Variants in ZNF75D observed in about 807,000 individuals in gnomAD.
ZNF75D encodes zinc finger protein 75.
A neutral mutation model predicts 33.3 loss-of-function variants in ZNF75D; 33 were observed. That is an observed-to-expected ratio of 0.99 (90% CI 0.75 to 1.32). The LOEUF is 1.32. ZNF75D is among the 40% of genes most tolerant of loss of function. ZNF75D has a pLI of 0.00. For synonymous variants in ZNF75D, 113 were observed against 130.6 expected (o/e 0.87, Z 0.92); for missense variants, 338 against 367.5 (o/e 0.92, Z 0.66).
At chrX:135,335,500 T>C (rs999968299) in intron 1 of ZNF75D, among the ~76,000 whole-genome samples, 1 of 111,366 alleles carries the variant, frequency 9.0e-6, no homozygotes. Context: ...CTCACAGCTA[T>C]GGTGACTTAG....
intron 1 of ZNF75D, among the ~76,000 whole-genome samples, chrX:135,319,388 T>C (rs1249375102): frequency 1.8e-5 from 2 of 112,293 alleles, no homozygotes; most frequent in Admixed American, 1.9e-4. Context: ...CAAAGAAGTG[T>C]GTGGTTCTGC....
intron 1 of ZNF75D, among the ~76,000 whole-genome samples, chrX:135,309,142 T>C (rs1443970916): frequency 2.7e-5 from 3 of 111,702 alleles, no homozygotes; most frequent in African/African-American, 9.8e-5. Flanking sequence ...TGAGTTAAAA[T>C]TAATGCGAAT....
intron 1 of ZNF75D, among the ~76,000 whole-genome samples, chrX:135,306,284 T>TACACAC (rs1355135835): frequency 7.2e-4 from 39 of 53,812 alleles, no homozygotes; most frequent in African/African-American, 2.4e-3. Flanking sequence ...ACAACAGAGA[T>TACACAC]ACATACACAC....
chrX:135,297,399 A>G (rs1556423334), intron 1 of ZNF75D: 1 of 112,335 alleles, frequency 8.9e-6, no homozygotes, highest in Non-Finnish European at 1.9e-5. Flanking sequence ...TGGTTCTTTC[A>G]AAACTATATT....
rs1489467213 is a variant in ZNF75D at position 135,323,087 on chromosome X, T to A, written c.-391+18681A>T. ...CTGTTGTATATAGTATTTTAGTAAA[T>A]GCTTGCCTTCCAATTGGGTCAATTT... On this transcript the variant is annotated intron_variant, in intron 1 of 6. Coordinates refer to ENST00000370766, the MANE Select transcript of ZNF75D (RefSeq NM_007131.5). Among the ~76,000 whole-genome samples, 3 of 112,296 alleles carry A rather than the reference T, an allele frequency of 2.7e-5. No individual in the cohort carries two copies. The Admixed American group carries it at 2.8e-4, about 11-fold the overall frequency.
intron 6 of ZNF75D, 150 bp from the exon 7 acceptor site, chrX:135,287,996 TC>T (rs2083982129): frequency 2.1e-6 from 1 of 470,244 alleles, no homozygotes; most frequent in South Asian, 3.6e-5. Flanking sequence ...TAGACCCATT[TC>T]TCCTTGATCC....
chrX:135,316,131 A>G (rs2084418025), intron 1 of ZNF75D, among the ~76,000 whole-genome samples: 1 of 111,449 alleles, frequency 9.0e-6, no homozygotes, highest in African/African-American at 3.3e-5. Context: ...TTTTGTTTTC[A>G]TGGTGGTAAA....
At chrX:135,297,302 C>T (rs1286656771) in intron 1 of ZNF75D, 2 of 112,114 alleles carry the variant, frequency 1.8e-5, no homozygotes, top group Non-Finnish European at 3.8e-5. Flanking sequence ...CGAAGCTCCC[C>T]AAAGGTGTGT....
At chrX:135,279,875 C>A (rs1047635791) in intron 1 of ZNF75D, among the ~76,000 whole-genome samples, 1 of 111,602 alleles carries the variant, frequency 9.0e-6, no homozygotes, top group Non-Finnish European at 1.9e-5. Flanking sequence ...CATTATTTCG[C>A]GTTTACTGAG....
At chrX:135,283,602 GCCCATTCCT>G (rs1556418885), downstream of ZNF75D, among the ~76,000 whole-genome samples, 620 of 111,803 alleles carry the variant, frequency 5.5e-3, 3 homozygotes, top group African/African-American at 0.019. Context: ...CAGTTATTGT[GCCCATTCCT>G]CTGGGAATAG....
chrX:135,281,829 A>G (rs1445321960), downstream of ZNF75D, among the ~76,000 whole-genome samples: 1 of 112,606 alleles, frequency 8.9e-6, no homozygotes, highest in Admixed American at 9.4e-5. Flanking sequence ...GCTGCAGAAC[A>G]GCAAAGACTG....
rs782315760 is a variant in ZNF75D at position 135,287,327 on chromosome X, G to T, written c.1343C>A (p.Pro448His). 12 of 1,210,268 alleles carry T rather than the reference G, an allele frequency of 9.9e-6. No individual in the cohort carries two copies. The East Asian group carries it at 3.5e-4, about 36-fold the overall frequency. Residue 448 changes from proline (P) to histidine (H), a missense_variant, in exon 7 of 7, where the codon CCC becomes CAC. By Grantham distance (77) the Pro-to-His change is moderately conservative. Around this residue, in one of 3 missense-constraint regions of ZNF75D, gnomAD observed 79 missense variants for 80.1 expected, o/e 0.99. Transcript: ENST00000370766. ...THQRIHTGEK[P>H]FKCDECGKRF... ...TTTTCCACATTCATCACATTTAAAG[G>T]GCTTCTCTCCTGTGTGAATTCTTTG...
chrX:135,303,329 G>A (rs954500757), intron 1 of ZNF75D, among the ~76,000 whole-genome samples: 2 of 111,184 alleles, frequency 1.8e-5, no homozygotes, highest in Non-Finnish European at 1.9e-5. Flanking sequence ...CCCTTCCCAC[G>A]AGGCCATATT....
At position 135,291,528 on chromosome X, in the gene ZNF75D, G is replaced by C; in HGVS notation, c.640C>G (p.Gln214Glu). The C allele has an allele frequency of 8.3e-7, 1 of 1,210,978 alleles. No homozygotes were observed. Among genetic ancestry groups the C allele is most frequent in the Non-Finnish European group, 1.1e-6 (1 of 894,654 alleles). The change falls in exon 5 of 7, where the codon CAG becomes GAG. Residue 214 changes from glutamine to glutamate, a missense_variant. Coordinates refer to ENST00000370766, the MANE Select transcript of ZNF75D (RefSeq NM_007131.5). The stretch of plus-strand genomic sequence containing the variant: ...ATCTTCCAGTGTTTGATTCTTTTCT[G>C]CTCAGAAAGGGCTAACATCTGTTGA... ...HDQQMLALSE[Q>E]KRIKHWKMAS... is the part of the protein sequence containing the mutation.
Position 135,287,679 on chromosome X carries a change from G to A in ZNF75D, c.991C>T (p.Arg331Ter), listed in dbSNP as rs142917667. 8 of 1,209,116 alleles carry A rather than the reference G, an allele frequency of 6.6e-6. No homozygotes were observed. The highest frequency in any genetic ancestry group is 2.3e-4 in the Middle Eastern group (1 of 4,372). The change falls in exon 7 of 7, where the codon CGA becomes TGA. Residue 331 changes from arginine to a stop codon, truncating the protein, a stop_gained. Transcript: ENST00000370766. LOFTEE classifies it high-confidence loss of function. Reference sequence around the variant, plus strand: ...TTTCTTTTCTTCCTTGGAAAAGCTCGATGCCATTTCTGTACACTGTGTGTA... The same window carrying A: ...TTTCTTTTCTTCCTTGGAAAAGCTCAATGCCATTTCTGTACACTGTGTGTA... ...GDTHSVQKWHRAFPRKKRKKP... is the reference protein window; with the variant it reads ...GDTHSVQKWH
rs781861661 is a variant in ZNF75D, at chrX:135,286,837, G to C, written c.*300C>G. 4.2e-6 allele frequency: 1 copy of C among 236,905 alleles called. No individual in the cohort carries two copies. The highest frequency in any genetic ancestry group is 2.9e-5 in the African/African-American group (1 of 34,370). The allele number at this position is 236,905 out of a possible 1,213,427, so 19.5% of individuals were successfully genotyped here. On this transcript the variant is annotated 3_prime_UTR_variant, in exon 7 of 7. Coordinates refer to ENST00000370766, the MANE Select transcript of ZNF75D (RefSeq NM_007131.5). Reference sequence around the variant, plus strand: ...GAGCACTTGATACCTGAAAAATTTAGATGACTGGGGGTGGGGAAGCTTTGA... The same window carrying C: ...GAGCACTTGATACCTGAAAAATTTACATGACTGGGGGTGGGGAAGCTTTGA...
chrX:135,319,170 T>G (rs1304139751), intron 1 of ZNF75D, among the ~76,000 whole-genome samples: 1 of 112,372 alleles, frequency 8.9e-6, no homozygotes, highest in African/African-American at 3.2e-5. Context: ...GTTTTTCCTC[T>G]AAGTTTCATT....
downstream of ZNF75D, among the ~76,000 whole-genome samples, chrX:135,283,873 T>G (rs1359510657): frequency 8.0e-5 from 9 of 111,836 alleles, no homozygotes; most frequent in African/African-American, 2.9e-4. Flanking sequence ...CAGGGTAGGC[T>G]TGACCCACTC....
intron 1 of ZNF75D, among the ~76,000 whole-genome samples, chrX:135,307,566 G>A (rs1431896422): frequency 2.7e-5 from 3 of 111,582 alleles, no homozygotes; most frequent in African/African-American, 9.8e-5. Context: ...ATACTTGAAA[G>A]GGAATATGGC....
Sources: gnomAD v4.1 joint callset for allele counts (sites outside exome capture counted in the v4.1 genomes callset) on GRCh38, gnomAD v4.1.1 for gene constraint, gnomAD v4.1.1 regional missense constraint, MANE v1.5 for transcripts, NCBI Gene and HGNC (gene_info 2026-07-23, HGNC 2026-07-21) for gene names.